IFT56: variants seen among roughly 807,000 people sequenced by gnomAD.
The protein encoded by IFT56 is intraflagellar transport 56.
At chr7:139,156,993 A>G in the IFT56 span, among the ~76,000 whole-genome samples, 1 of 152,206 alleles carries the variant, frequency 6.6e-6, no homozygotes, top group African/African-American at 2.4e-5. Context: ...AAGCCTGCCA[A>G]ATCCAAACAC....
At chr7:139,140,082 C>T in the IFT56 span, 1 of 960,222 alleles carries the variant, frequency 1.0e-6, no homozygotes, top group African/African-American at 2.0e-5. Flanking sequence ...TAATTGTATT[C>T]CTTTTTCTCT....
At chr7:139,156,886 A>G in the IFT56 span, among the ~76,000 whole-genome samples, 1 of 152,142 alleles carries the variant, frequency 6.6e-6, no homozygotes. Flanking sequence ...CAAGTTTCAC[A>G]TGTAGTGGGT....
chr7:139,177,927 A>G, the IFT56 span, among the ~76,000 whole-genome samples: 2 of 152,128 alleles, frequency 1.3e-5, no homozygotes, highest in Admixed American at 6.6e-5. Context: ...GAGAGCATCA[A>G]AGCCCTGAAA....
the IFT56 span, chr7:139,142,398 AG>A: frequency 8.8e-7 from 1 of 1,133,506 alleles, no homozygotes; most frequent in Non-Finnish European, 1.3e-6. Flanking sequence ...ATATTTAATT[AG>A]AAATTCTTGT....
the IFT56 span, chr7:139,142,215 C>G: frequency 6.2e-7 from 1 of 1,611,364 alleles, no homozygotes; most frequent in Non-Finnish European, 8.5e-7. Context: ...GACTGCTAGA[C>G]TGTTGAGTTC....
chr7:139,187,105 A>AC, the IFT56 span, among the ~76,000 whole-genome samples: 5 of 150,850 alleles, frequency 3.3e-5, no homozygotes, highest in African/African-American at 7.3e-5. Context: ...CGTCTCAAAA[A>AC]AAAAAAAAAA....
At chr7:139,187,337 CT>C in the IFT56 span, 1 of 1,566,212 alleles carries the variant, frequency 6.4e-7, no homozygotes, top group Non-Finnish European at 8.7e-7. Flanking sequence ...TTCATGTTAT[CT>C]TTATGTTCAG....
At chr7:139,173,669 A>G in the IFT56 span, 1 of 774,222 alleles carries the variant, frequency 1.3e-6, no homozygotes, top group Non-Finnish European at 2.4e-6. Context: ...ATGCACGTTC[A>G]TATTGGCATG....
chr7:139,137,982 A>AT, the IFT56 span: 2 of 1,199,246 alleles, frequency 1.7e-6, no homozygotes, highest in African/African-American at 1.5e-5. Context: ...ACTGTGTTTA[A>AT]AATGTTATTA....
chr7:139,145,210 A>G, the IFT56 span, among the ~76,000 whole-genome samples: 1 of 151,880 alleles, frequency 6.6e-6, no homozygotes, highest in Non-Finnish European at 1.5e-5. Flanking sequence ...GTGGGCCCCA[A>G]TCTCTATTTT....
At chr7:139,171,257 T>C in the IFT56 span, among the ~76,000 whole-genome samples, 2 of 152,150 alleles carry the variant, frequency 1.3e-5, no homozygotes, top group Admixed American at 1.3e-4. Flanking sequence ...TGTTAAAATG[T>C]TCATACTACC....
chr7:139,171,637 T>G, the IFT56 span, among the ~76,000 whole-genome samples: 1 of 152,200 alleles, frequency 6.6e-6, no homozygotes, highest in African/African-American at 2.4e-5. Flanking sequence ...GATATCCATA[T>G]GCAGAAGAAT....
At chr7:139,142,764 G>A in the IFT56 span, among the ~76,000 whole-genome samples, 8 of 152,172 alleles carry the variant, frequency 5.3e-5, no homozygotes, top group East Asian at 1.5e-3. Flanking sequence ...CCCAGGAGGC[G>A]GGGGTTGCAG....
chr7:139,153,360 A>G, the IFT56 span, among the ~76,000 whole-genome samples: 1 of 151,644 alleles, frequency 6.6e-6, no homozygotes, highest in African/African-American at 2.4e-5. Context: ...TTGAGGCACG[A>G]GAATCACTTG....
chr7:139,169,195 A>T, the IFT56 span: 1 of 1,109,092 alleles, frequency 9.0e-7, no homozygotes, highest in Non-Finnish European at 1.3e-6. Flanking sequence ...ACAAAGGTAT[A>T]TTTAAATCCT....
chr7:139,187,111 A>AG, the IFT56 span, among the ~76,000 whole-genome samples: 139 of 151,624 alleles, frequency 9.2e-4, 1 homozygote, highest in Middle Eastern at 6.8e-3. Context: ...AAAAAAAAAA[A>AG]AAAAAAAAAA....
At chr7:139,134,308 G>T in the IFT56 span, among the ~76,000 whole-genome samples, 2 of 146,612 alleles carry the variant, frequency 1.4e-5, no homozygotes, top group Non-Finnish European at 3.0e-5. Flanking sequence ...GGCTCGCTTT[G>T]TCGCCCAGGT....
the IFT56 span, among the ~76,000 whole-genome samples, chr7:139,143,188 C>A: frequency 1.3e-5 from 2 of 152,054 alleles, no homozygotes; most frequent in Non-Finnish European, 2.9e-5. Flanking sequence ...GTATGAGCAA[C>A]TTTAAAGCTT....
the IFT56 span, chr7:139,189,610 GC>G: frequency 9.1e-5 from 48 of 529,242 alleles, no homozygotes; most frequent in East Asian, 1.5e-3. Flanking sequence ...TGAACAGAGT[GC>G]CATAGTCTGT....
Sources: allele counts gnomAD v4.1 joint callset (sites outside exome capture counted in the v4.1 genomes callset), GRCh38; gene constraint gnomAD v4.1.1; transcripts MANE v1.5; gene names NCBI Gene and HGNC (gene_info 2026-07-23, HGNC 2026-07-21).